KRAS: variants seen among roughly 807,000 people sequenced by gnomAD.
KRAS encodes KRas proto-oncogene, GTPase, also known as GTPase KRas.
KRAS carries 1 observed loss-of-function variant against 21.0 expected under a neutral mutation model. That is an observed-to-expected ratio of 0.05 (90% CI 0.02 to 0.23). The LOEUF (loss-of-function observed/expected upper bound fraction) is 0.23. Ranked by LOEUF, KRAS falls within the 10% of genes least tolerant of loss-of-function variation. KRAS has a pLI of 1.00. For missense variants in KRAS, 107 were observed against 221.8 expected (o/e 0.48, Z 3.29); for synonymous variants, 67 against 72.5 (o/e 0.92, Z 0.39).
At chr12:25,222,382 C>T (rs560601775) in intron 4 of KRAS, among the ~76,000 whole-genome samples, 10 of 151,904 alleles carry the variant, frequency 6.6e-5, no homozygotes, top group African/African-American at 2.2e-4. Context: ...TTAATTTCAA[C>T]GGAGGAAGAT....
chr12:25,233,513 G>T (rs985796035), intron 2 of KRAS, among the ~76,000 whole-genome samples: 1 of 152,146 alleles, frequency 6.6e-6, no homozygotes, highest in Non-Finnish European at 1.5e-5. Context: ...ATGAATGAAC[G>T]AAGGTAGGTT....
rs1002287967 is a variant in KRAS at position 25,208,289 on chromosome 12, T to C, written c.*1506A>G. The C allele has an allele frequency of 4.3e-5, 10 of 233,210 alleles. No homozygotes were observed. The highest frequency in any genetic ancestry group is 3.9e-4 in the Admixed American group (7 of 17,778). The allele number at this position is 233,210 out of a possible 1,614,324, so 14.4% of individuals were successfully genotyped here. ...TCTAGAACCTAAGTCACCTTCTTCC[T>C]AGTCCAGTGATACTTTCACCTCACC... On this transcript the variant is annotated 3_prime_UTR_variant, in exon 5 of 5. Transcript: ENST00000311936.
At chr12:25,249,061 T>A (rs527788966) in intron 1 of KRAS, among the ~76,000 whole-genome samples, 1 of 152,336 alleles carries the variant, frequency 6.6e-6, no homozygotes, top group Non-Finnish European at 1.5e-5. Flanking sequence ...ACATAACATA[T>A]ACATTGTATA....
In KRAS at chr12:25,209,443, G is replaced by T; in HGVS notation, c.*352C>A. On this transcript the variant is annotated 3_prime_UTR_variant, in exon 5 of 5. Transcript: ENST00000311936. Reference sequence around the variant, plus strand: ...GTGACTAGATAAAACACAGAATAGGGATGATTCAAAAGCTTCATTAATTTG... The same window carrying T: ...GTGACTAGATAAAACACAGAATAGGTATGATTCAAAAGCTTCATTAATTTG... The T allele has an allele frequency of 3.7e-6, 4 of 1,090,384 alleles. No individual in the cohort carries two copies. In the South Asian group the frequency reaches 8.0e-5, roughly 22 times the overall value. The allele number at this position is 1,090,384 out of a possible 1,614,324, so 67.5% of individuals were successfully genotyped here.
At chr12:25,223,503 T>C (rs1015105311) in intron 4 of KRAS, among the ~76,000 whole-genome samples, 1 of 152,178 alleles carries the variant, frequency 6.6e-6, no homozygotes, top group Non-Finnish European at 1.5e-5. Flanking sequence ...ATATATGATA[T>C]ACACCAAGTT....
In KRAS at chr12:25,225,626, T is replaced by C. The variant is rs1305285506; in HGVS notation, c.438A>G (p.Ala146=). Residue 146 remains alanine, a synonymous_variant, in exon 4 of 5, where the codon GCA becomes GCG. Coordinates refer to ENST00000311936, the MANE Select transcript of KRAS (RefSeq NM_004985.5). ...SYGIPFIETS[A]KTRQGVDDAF... is the part of the protein sequence containing the mutation. ...CAGTGTTACTTACCTGTCTTGTCTT[T>C]GCTGATGTTTCAATAAAAGGAATTC... 2 of 1,612,986 alleles carry C rather than the reference T, an allele frequency of 1.2e-6. No individual in the cohort carries two copies. Among genetic ancestry groups the C allele is most frequent in the Non-Finnish European group, 1.7e-6 (2 of 1,179,444 alleles).
Position 25,224,010 on chromosome 12 carries a change from T to C in KRAS, c.450+1604A>G, listed in dbSNP as rs1482604686. On this transcript the variant is annotated intron_variant, in intron 4 of 4. Transcript: ENST00000311936. ...TGATAGTGGTCCCATAAGATTATAA[T>C]GGAGTTTAAAAGTTCCTATTGCTTA... Among the ~76,000 whole-genome samples, 8 of 152,016 alleles carry C rather than the reference T, an allele frequency of 5.3e-5. No homozygotes were observed. In the East Asian group the frequency reaches 1.3e-3, roughly 26 times the overall value.
chr12:25,240,832 ACTTATT>A (rs561945615), intron 2 of KRAS, among the ~76,000 whole-genome samples: 216 of 152,294 alleles, frequency 1.4e-3, no homozygotes, highest in Non-Finnish European at 2.7e-3. Flanking sequence ...CTTAATAAAT[ACTTATT>A]CTTAATTTGA....
chr12:25,208,914 A>G lies in KRAS; in HGVS notation c.*881T>C, dbSNP rs1289113862. ...GACTCAAGTTGAAGAAAAGATTTAA[A>G]GTTATACTATGAAAGAGCAGTCTGA... On this transcript the variant is annotated 3_prime_UTR_variant, in exon 5 of 5. Transcript: ENST00000311936. 14 of 263,610 alleles carry G rather than the reference A, an allele frequency of 5.3e-5. No individual in the cohort carries two copies. The East Asian group carries it at 7.2e-4, about 14-fold the overall frequency. The allele number at this position is 263,610 out of a possible 1,614,324, so 16.3% of individuals were successfully genotyped here. A position where few individuals can be genotyped will look rare whatever the true frequency, so the allele number is the denominator to read the frequency against.
chr12:25,245,016 C>T (rs1951659932), intron 2 of KRAS, among the ~76,000 whole-genome samples: 1 of 152,128 alleles, frequency 6.6e-6, no homozygotes, highest in Admixed American at 6.5e-5. Flanking sequence ...AATTTCTACC[C>T]TCTCACGAAA....
At chr12:25,243,071 TTC>T (rs1323088846) in intron 2 of KRAS, among the ~76,000 whole-genome samples, 1 of 152,230 alleles carries the variant, frequency 6.6e-6, no homozygotes, top group African/African-American at 2.4e-5. Context: ...CTTTCTAATT[TTC>T]TCTCTGACCC....
chr12:25,240,497 T>C (rs768350207), intron 2 of KRAS, among the ~76,000 whole-genome samples: 5 of 152,214 alleles, frequency 3.3e-5, no homozygotes, highest in African/African-American at 7.2e-5. Context: ...TGTGCAGGCA[T>C]TGTAATAGGT....
chr12:25,237,690 T>C, intron 2 of KRAS, among the ~76,000 whole-genome samples: 1 of 152,226 alleles, frequency 6.6e-6, no homozygotes. Flanking sequence ...TTCCTTCAGC[T>C]GTGAAAGTAG....
At position 25,215,563 on chromosome 12, in the gene KRAS, G is replaced by A. The variant is rs727505314; in HGVS notation, c.451-5652C>T. ...GTATAAAAAGCATCCTCCACTCTCT[G>A]CATTGTAAAACACAACTTCTTTAAA... is the stretch of plus-strand genomic sequence containing the variant. On this transcript the variant is annotated intron_variant, in intron 4 of 4. Transcript: ENST00000311936. 5.4e-5 allele frequency: 87 copies of A among 1,607,920 alleles called. No individual in the cohort carries two copies. Among genetic ancestry groups the A allele is most frequent in the Non-Finnish European group, 7.1e-5 (83 of 1,174,954 alleles).
At chr12:25,218,406 T>A (rs61762434) in intron 4 of KRAS, among the ~76,000 whole-genome samples, 1,588 of 151,514 alleles carry the variant, frequency 0.01, 26 homozygotes, top group African/African-American at 0.035. Flanking sequence ...AATAGTGAAA[T>A]ATATGATTTT....
intron 1 of KRAS, among the ~76,000 whole-genome samples, chr12:25,247,607 T>TA (rs1376831532): frequency 1.3e-5 from 2 of 152,214 alleles, no homozygotes; most frequent in Admixed American, 1.3e-4. Context: ...TTGCATAGCC[T>TA]AAAACAGTTC....
chr12:25,243,653 G>A (rs1263409559), intron 2 of KRAS, among the ~76,000 whole-genome samples: 1 of 152,180 alleles, frequency 6.6e-6, no homozygotes, highest in Non-Finnish European at 1.5e-5. Flanking sequence ...AGGGAAGACA[G>A]ACAGCATTTC....
chr12:25,211,793 A>C (rs1050304825), intron 4 of KRAS, among the ~76,000 whole-genome samples: 1 of 152,228 alleles, frequency 6.6e-6, no homozygotes, highest in Non-Finnish European at 1.5e-5. Context: ...TTAAGCAAAC[A>C]GTAGGATAAA....
At chr12:25,214,993 T>C (rs1951237892) in intron 4 of KRAS, among the ~76,000 whole-genome samples, 1 of 148,944 alleles carries the variant, frequency 6.7e-6, no homozygotes, top group Non-Finnish European at 1.5e-5. Flanking sequence ...TTGTAAAATA[T>C]CCAAAAGAAA....
Sources: allele counts gnomAD v4.1 joint callset (sites outside exome capture counted in the v4.1 genomes callset), GRCh38; gene constraint gnomAD v4.1.1; transcripts MANE v1.5; gene names NCBI Gene and HGNC (gene_info 2026-07-23, HGNC 2026-07-21).